TANGO6: variants seen among roughly 807,000 people sequenced by gnomAD.
TANGO6 encodes transport and golgi organization 6 homolog.
Under a neutral mutation model 114.2 loss-of-function variants are expected in TANGO6, and 90 were observed. That is an observed-to-expected ratio of 0.79 (90% CI 0.66 to 0.94). The LOEUF (loss-of-function observed/expected upper bound fraction) is 0.94. TANGO6 is among the 40% of genes least tolerant of loss of function. The pLI, the probability that TANGO6 is intolerant of heterozygous loss-of-function variation, is 0.00. For missense variants in TANGO6, 1,274 were observed against 1,315.3 expected (o/e 0.97, Z 0.49); for synonymous variants, 477 against 509.8 (o/e 0.94, Z 0.87).
chr16:68,973,269 CT>C (rs1047155378), intron 14 of TANGO6: 6 of 394,658 alleles, frequency 1.5e-5, no homozygotes, highest in South Asian at 5.7e-5. Context: ...TCCTTCTTTA[CT>C]TTTTTTCTTT....
chr16:68,930,865 G>A (rs1963230500), intron 14 of TANGO6, among the ~76,000 whole-genome samples: 1 of 152,090 alleles, frequency 6.6e-6, no homozygotes, highest in Non-Finnish European at 1.5e-5. Flanking sequence ...TCGAACTCCT[G>A]ACCTCCAGTG....
intron 15 of TANGO6, among the ~76,000 whole-genome samples, chr16:68,979,965 TC>T (rs1435044977): frequency 2.6e-5 from 4 of 151,578 alleles, no homozygotes; most frequent in Non-Finnish European, 5.9e-5. Flanking sequence ...TGCCTCAGCC[TC>T]CTGAGTAGCT....
chr16:68,909,120 T>C lies in TANGO6; in HGVS notation c.1801-91T>C, dbSNP rs1370068678. On this transcript the variant is annotated intron_variant, in intron 10 of 17. Coordinates refer to ENST00000261778, the MANE Select transcript of TANGO6 (RefSeq NM_024562.2). ...CAAACACAGACTATTTATTTAAACATGCAGTTCAAACAGAGTTTTCTGCTT... is the reference window on the plus strand; with the variant it reads ...CAAACACAGACTATTTATTTAAACACGCAGTTCAAACAGAGTTTTCTGCTT... 2.1e-5 allele frequency: 22 copies of C among 1,060,982 alleles called. No homozygotes were observed. The East Asian group carries it at 4.1e-4, about 20-fold the overall frequency. 65.7% of individuals were successfully genotyped at this position (1,060,982 alleles called of 1,614,324 possible).
chr16:68,890,678 A>G (rs1454733070), intron 7 of TANGO6, among the ~76,000 whole-genome samples: 3 of 152,144 alleles, frequency 2.0e-5, no homozygotes, highest in African/African-American at 7.2e-5. Flanking sequence ...TGAGGTCAGG[A>G]GTTCAAGACC....
chr16:69,013,486 A>G (rs1458421007), intron 15 of TANGO6, among the ~76,000 whole-genome samples: 3 of 151,800 alleles, frequency 2.0e-5, no homozygotes, highest in Non-Finnish European at 4.4e-5. Context: ...GCGTGGTGGC[A>G]TGCGCCTGTG....
intron 15 of TANGO6, among the ~76,000 whole-genome samples, chr16:69,017,316 C>A (rs1959317225): frequency 6.6e-6 from 1 of 152,110 alleles, no homozygotes; most frequent in Non-Finnish European, 1.5e-5. Flanking sequence ...CCCCCAGGGC[C>A]CAGCACAGTG....
rs746796502 is a variant in TANGO6 at position 68,928,038 on chromosome 16, G to A, written c.2598G>A (p.Glu866=). The A allele has an allele frequency of 4.4e-6, 7 of 1,599,508 alleles. No homozygotes were observed. The African/African-American group carries it at 9.4e-5, about 21-fold the overall frequency. ...TGCGTACTCTTTCCCACTGGATAGA[G>A]CAGAGAGAAGCAAAAGCCCTTGAGA... is the stretch of plus-strand genomic sequence containing the variant. The part of the protein sequence containing the change: ...AALRTLSHWI[E]QREAKALEMQ... Residue 866 remains glutamate (E), a synonymous_variant, in exon 13 of 18, where the codon GAG becomes GAA. Transcript: ENST00000261778.
chr16:69,057,749 A>G (rs1489153538), intron 17 of TANGO6, among the ~76,000 whole-genome samples: 1 of 152,200 alleles, frequency 6.6e-6, no homozygotes. Flanking sequence ...CAGGAGAATG[A>G]TGAGACAGTG....
intron 7 of TANGO6, among the ~76,000 whole-genome samples, chr16:68,891,601 C>G (rs934058888): frequency 6.6e-6 from 1 of 152,016 alleles, no homozygotes. Context: ...TTTTCTTTCT[C>G]TTTTAAATTT....
chr16:69,043,283 A>T (rs957990603), intron 17 of TANGO6, among the ~76,000 whole-genome samples: 3 of 146,642 alleles, frequency 2.0e-5, no homozygotes, highest in African/African-American at 5.1e-5. Flanking sequence ...AGACAGAGCG[A>T]GTGTGTGTGT....
rs1052597903 is a variant in TANGO6, at chr16:68,996,804, T to G, written c.2842+22636T>G. On this transcript the variant is annotated intron_variant, in intron 15 of 17. Coordinates refer to ENST00000261778, the MANE Select transcript of TANGO6 (RefSeq NM_024562.2). ...AATATCAAACCGAAAGTACACAGAGTACAGTCCTGGAGAAAGGAAGAGCAT... is the reference window on the plus strand; with the variant it reads ...AATATCAAACCGAAAGTACACAGAGGACAGTCCTGGAGAAAGGAAGAGCAT... 1.8e-4 allele frequency among the ~76,000 whole-genome samples: 27 copies of G among 152,016 alleles called. 1 individual carries two copies. Among genetic ancestry groups the G allele is most frequent in the African/African-American group, 4.8e-4 (20 of 41,388 alleles).
At chr16:68,948,158 A>C (rs1451418862) in intron 14 of TANGO6, 1 of 152,180 alleles carries the variant, frequency 6.6e-6, no homozygotes, top group Non-Finnish European at 1.5e-5. Flanking sequence ...TATCAATCAA[A>C]GATTGATACA....
chr16:68,911,966 G>C (rs1053188936), intron 11 of TANGO6, among the ~76,000 whole-genome samples: 2 of 152,144 alleles, frequency 1.3e-5, no homozygotes, highest in East Asian at 3.8e-4. Context: ...TGCCTGCAAT[G>C]GTTGAAGTAC....
intron 1 of TANGO6, among the ~76,000 whole-genome samples, chr16:68,850,440 A>G (rs1802196506): frequency 1.3e-5 from 2 of 152,354 alleles, no homozygotes; most frequent in Admixed American, 6.5e-5. Flanking sequence ...CACACAATAC[A>G]TACTCATCCA....
At chr16:68,980,424 TATATATATA>T (rs1216110839) in intron 15 of TANGO6, among the ~76,000 whole-genome samples, 1 of 101,802 alleles carries the variant, frequency 9.8e-6, no homozygotes, top group African/African-American at 4.1e-5. Context: ...TATATATATA[TATATATATA>T]TATTTTTTTT....
chr16:68,891,384 G>A (rs995258690), intron 7 of TANGO6, among the ~76,000 whole-genome samples: 11 of 148,640 alleles, frequency 7.4e-5, no homozygotes, highest in Non-Finnish European at 1.0e-4. Context: ...CACCTGAACC[G>A]GGGAGGCGGA....
chr16:69,058,471 A>G (rs1342209295), intron 17 of TANGO6, among the ~76,000 whole-genome samples: 1 of 152,224 alleles, frequency 6.6e-6, no homozygotes, highest in Non-Finnish European at 1.5e-5. Flanking sequence ...CAGGTCCAGA[A>G]GGTTTACATT....
intron 15 of TANGO6, among the ~76,000 whole-genome samples, chr16:69,017,931 C>T (rs1190208909): frequency 6.9e-6 from 1 of 145,258 alleles, no homozygotes; most frequent in African/African-American, 2.6e-5. Flanking sequence ...GAGACAGAGT[C>T]TCACCCTTGT....
At chr16:68,877,416 C>T (rs1276495236) in intron 5 of TANGO6, among the ~76,000 whole-genome samples, 3 of 146,348 alleles carry the variant, frequency 2.0e-5, no homozygotes, top group Non-Finnish European at 4.5e-5. Context: ...TGCAGTGAGC[C>T]GAGATTGCAC....
Sources: allele counts gnomAD v4.1 joint callset (sites outside exome capture counted in the v4.1 genomes callset), GRCh38; gene constraint gnomAD v4.1.1; transcripts MANE v1.5; gene names NCBI Gene and HGNC (gene_info 2026-07-23, HGNC 2026-07-21).